Variants in CTNNA1 observed in about 807,000 individuals in gnomAD.
CTNNA1 encodes the protein catenin alpha-1.
CTNNA1 carries 37 observed loss-of-function variants against 98.4 expected under a neutral mutation model. The ratio of observed to expected loss-of-function variants is 0.38; its 90% CI spans 0.29 to 0.49. CTNNA1 has a LOEUF of 0.49. Among genes scored for constraint, CTNNA1 ranks in the 20% least tolerant of loss-of-function variants. The pLI is 0.95. For missense variants in CTNNA1, 761 were observed against 1,147.2 expected (o/e 0.66, Z 4.86); for synonymous variants, 404 against 413.2 (o/e 0.98, Z 0.27).
intron 6 of CTNNA1, among the ~76,000 whole-genome samples, chr5:138,826,480 A>G (rs1339892886): frequency 6.6e-6 from 1 of 152,194 alleles, no homozygotes; most frequent in African/African-American, 2.4e-5. Context: ...ACTTGTGACC[A>G]GACCTCACTA....
At chr5:138,789,085 C>G (rs1165664392) in intron 3 of CTNNA1, among the ~76,000 whole-genome samples, 6 of 152,060 alleles carry the variant, frequency 3.9e-5, no homozygotes, top group Non-Finnish European at 8.8e-5. Context: ...TAGGAAGAAG[C>G]TTGTGTCAGG....
rs1344904378 is a variant in CTNNA1 at position 138,873,814 on chromosome 5, C to A, written c.1063-12398C>A. The A allele has an allele frequency of 2.5e-6, 4 of 1,613,904 alleles. No individual in the cohort carries two copies. The highest frequency in any genetic ancestry group is 3.4e-6 in the Non-Finnish European group (4 of 1,179,906). Reference sequence around the variant, plus strand: ...GCTTTTCTAAAGTGCCCCAGGTCCACTCCATCCCACATGTCAAGTTGCTGA... The same window carrying A: ...GCTTTTCTAAAGTGCCCCAGGTCCAATCCATCCCACATGTCAAGTTGCTGA... On this transcript the variant is annotated intron_variant, in intron 7 of 17. Transcript: ENST00000302763. The surrounding 1 kb of genome is among the most constrained non-coding windows in gnomAD (Gnocchi z 6.1).
At chr5:138,875,970 T>G (rs954570692) in intron 7 of CTNNA1, among the ~76,000 whole-genome samples, 3 of 152,210 alleles carry the variant, frequency 2.0e-5, no homozygotes, top group African/African-American at 7.2e-5. Context: ...TCAGGGGAAC[T>G]CTAAAAAGAT....
chr5:138,934,242 C>A lies in CTNNA1; in HGVS notation c.*153C>A, dbSNP rs1277059643. 4.9e-6 allele frequency: 3 copies of A among 610,160 alleles called. No homozygotes were observed. In the African/African-American group the frequency reaches 5.6e-5, roughly 11 times the overall value. The allele number at this position is 610,160 out of a possible 1,614,324, so 37.8% of individuals were successfully genotyped here. On this transcript the variant is annotated 3_prime_UTR_variant, in exon 18 of 18. Transcript: ENST00000302763. ...GTCCAGGTGGTGAATTTTCCAAGAA[C>A]ATAGTTTAAGTTGATTAAAAATGCT... is the stretch of plus-strand genomic sequence containing the variant.
chr5:138,883,209 C>T (rs1241515572), intron 7 of CTNNA1, among the ~76,000 whole-genome samples: 1 of 152,162 alleles, frequency 6.6e-6, no homozygotes, highest in Non-Finnish European at 1.5e-5. Context: ...TTTCCTCAAG[C>T]TCAGTGTTAA....
At chr5:138,763,558 A>G (rs146216693) in intron 1 of CTNNA1, among the ~76,000 whole-genome samples, 66 of 152,236 alleles carry the variant, frequency 4.3e-4, no homozygotes, top group African/African-American at 1.6e-3. Context: ...GCTTAGGCTG[A>G]TCTTTGAACT....
chr5:138,786,678 G>A (rs144751256), intron 3 of CTNNA1, among the ~76,000 whole-genome samples: 133 of 152,296 alleles, frequency 8.7e-4, no homozygotes, highest in African/African-American at 3.1e-3. Flanking sequence ...AGTGCACTCA[G>A]GAGGTCCTGT....
At chr5:138,820,709 A>T (rs977014602) in intron 5 of CTNNA1, among the ~76,000 whole-genome samples, 13 of 148,742 alleles carry the variant, frequency 8.7e-5, no homozygotes, top group African/African-American at 3.2e-4. Context: ...ATTTTTATTA[A>T]AATGTAGTTG....
In CTNNA1 at chr5:138,873,452, A is replaced by G. The variant is rs761931404; in HGVS notation, c.1063-12760A>G. The stretch of plus-strand genomic sequence containing the variant: ...GGTTGGATCTCTATAAGTTGTAGCC[A>G]TGACAGTGACAGTGGTTGACAAATT... On this transcript the variant is annotated intron_variant, in intron 7 of 17. Coordinates refer to ENST00000302763, the MANE Select transcript of CTNNA1 (RefSeq NM_001903.5). The surrounding 1 kb of genome is among the most constrained non-coding windows in gnomAD (Gnocchi z 6.1). 2 of 1,614,038 alleles carry G rather than the reference A, an allele frequency of 1.2e-6. No individual in the cohort carries two copies. The highest frequency in any genetic ancestry group is 2.2e-5 in the East Asian group (1 of 44,886).
chr5:138,814,752 GT>G (rs895165120), intron 5 of CTNNA1, among the ~76,000 whole-genome samples: 4 of 149,918 alleles, frequency 2.7e-5, no homozygotes, highest in Admixed American at 2.7e-4. Flanking sequence ...AAATAGATGG[GT>G]TTTTTTTTGT....
At chr5:138,825,360 A>G (rs1463281050) in intron 6 of CTNNA1, among the ~76,000 whole-genome samples, 2 of 152,326 alleles carry the variant, frequency 1.3e-5, no homozygotes, top group East Asian at 1.9e-4. Flanking sequence ...ATTACTTTTC[A>G]TAAATGATGC....
At chr5:138,924,768 C>T in intron 12 of CTNNA1, 58 bp downstream of exon 12, 1 of 1,437,938 alleles carries the variant, frequency 7.0e-7, no homozygotes, top group South Asian at 1.2e-5. Flanking sequence ...TGAGGCAGGC[C>T]ACCCCATTAG....
At chr5:138,876,430 T>A (rs1751534581) in intron 7 of CTNNA1, among the ~76,000 whole-genome samples, 1 of 152,236 alleles carries the variant, frequency 6.6e-6, no homozygotes, top group Non-Finnish European at 1.5e-5. Flanking sequence ...TTGAATGGTG[T>A]CTTCACTTTT....
At chr5:138,822,596 A>G (rs780251148) in intron 5 of CTNNA1, among the ~76,000 whole-genome samples, 2 of 152,144 alleles carry the variant, frequency 1.3e-5, no homozygotes, top group Non-Finnish European at 2.9e-5. Flanking sequence ...CACACAAAAC[A>G]TGTGCACCAG....
chr5:138,873,861 G>A lies in CTNNA1; in HGVS notation c.1063-12351G>A. ...CTGATTTTGTTCCATTGTAAGAAGA[G>A]CGTGTGCAGACTGCTTAGCCGTAGG... On this transcript the variant is annotated intron_variant, in intron 7 of 17. Coordinates refer to ENST00000302763, the MANE Select transcript of CTNNA1 (RefSeq NM_001903.5). The surrounding 1 kb of genome is among the most constrained non-coding windows in gnomAD (Gnocchi z 6.1). 6.2e-7 allele frequency: 1 copy of A among 1,614,024 alleles called. No homozygotes were observed. Among genetic ancestry groups the A allele is most frequent in the Non-Finnish European group, 8.5e-7 (1 of 1,179,892 alleles).
intron 3 of CTNNA1, among the ~76,000 whole-genome samples, chr5:138,791,615 C>CGAAA (rs1274317723): frequency 7.4e-5 from 3 of 40,306 alleles, no homozygotes; most frequent in Non-Finnish European, 1.2e-4. Context: ...GACTCCGTCT[C>CGAAA]AAAAAAAAAA....
chr5:138,901,875 CAGAG>C (rs1160314189), intron 9 of CTNNA1, among the ~76,000 whole-genome samples: 3 of 152,176 alleles, frequency 2.0e-5, no homozygotes, highest in Non-Finnish European at 1.5e-5. Flanking sequence ...GTTAGCCTCT[CAGAG>C]AGCTATGGTC....
chr5:138,849,065 G>A (rs1762972539), intron 7 of CTNNA1, among the ~76,000 whole-genome samples: 1 of 152,184 alleles, frequency 6.6e-6, no homozygotes, highest in African/African-American at 2.4e-5. Context: ...CTGGCATGGG[G>A]AAGCATGGCT....
chr5:138,828,743 G>C (rs1350158998), intron 7 of CTNNA1, among the ~76,000 whole-genome samples: 2 of 152,170 alleles, frequency 1.3e-5, no homozygotes, highest in African/African-American at 4.8e-5. Context: ...AATCATGGTG[G>C]AATTCCTAGG....
Sources: allele counts gnomAD v4.1 joint callset (sites outside exome capture counted in the v4.1 genomes callset), GRCh38; gene constraint gnomAD v4.1.1; non-coding constraint Gnocchi (gnomAD v3.1); transcripts MANE v1.5; gene names NCBI Gene and HGNC (gene_info 2026-07-23, HGNC 2026-07-21).